MSRA: variants seen among roughly 807,000 people sequenced by gnomAD.
MSRA encodes the protein mitochondrial peptide methionine sulfoxide reductase.
In MSRA, 54 loss-of-function variants were observed where a neutral mutation model predicts 31.3. That is an observed-to-expected ratio of 1.73 (90% confidence interval 1.39 to 2.17). The LOEUF (loss-of-function observed/expected upper bound fraction) is 2.17, where lower values mean the gene tolerates loss of function less well. Among genes scored for constraint, MSRA ranks in the 30% most tolerant of loss-of-function variants. The probability of loss-of-function intolerance (pLI) is 0.00; values close to 1 mark genes in which losing one functional copy is unlikely to be tolerated. For synonymous variants in MSRA, 169 were observed against 116.5 expected (o/e 1.45, Z -2.90); for missense variants, 507 against 300.9 (o/e 1.69, Z -5.07).
At chr8:10,279,493 C>A (rs2952257) in intron 3 of MSRA, among the ~76,000 whole-genome samples, 2 of 151,926 alleles carry the variant, frequency 1.3e-5, no homozygotes, top group Admixed American at 1.3e-4. Flanking sequence ...TGAGTTTGAT[C>A]GTCATCCTCC....
chr8:10,224,034 GATC>G (rs1301351011), intron 2 of MSRA, among the ~76,000 whole-genome samples: 1 of 152,122 alleles, frequency 6.6e-6, no homozygotes, highest in African/African-American at 2.4e-5. Context: ...TGCATCCTAG[GATC>G]ATCATTTGTT....
intron 1 of MSRA, among the ~76,000 whole-genome samples, chr8:10,178,626 AT>A (rs1806273837): frequency 6.6e-6 from 1 of 152,208 alleles, no homozygotes. Context: ...GAAAGCATAG[AT>A]TGACTTTGCA....
At chr8:10,067,980 C>T (rs976287866) in intron 1 of MSRA, among the ~76,000 whole-genome samples, 5 of 150,938 alleles carry the variant, frequency 3.3e-5, no homozygotes, top group Admixed American at 3.3e-4. Flanking sequence ...GCCTCCCAGG[C>T]CCGAGTGATA....
chr8:10,351,832 C>A (rs984443353), intron 5 of MSRA, among the ~76,000 whole-genome samples: 1 of 152,120 alleles, frequency 6.6e-6, no homozygotes, highest in African/African-American at 2.4e-5. Flanking sequence ...TCTGGATGAA[C>A]CCAGACTGCT....
intron 1 of MSRA, among the ~76,000 whole-genome samples, chr8:10,180,772 G>T (rs527869293): frequency 6.6e-6 from 1 of 152,266 alleles, no homozygotes; most frequent in Admixed American, 6.5e-5. Context: ...GGAAATTGTG[G>T]TTTAGTTTAC....
intron 5 of MSRA, among the ~76,000 whole-genome samples, chr8:10,422,765 G>A (rs1273046910): frequency 1.3e-5 from 2 of 152,216 alleles, no homozygotes; most frequent in African/African-American, 4.8e-5. Flanking sequence ...GCTGCAGTAG[G>A]GAGCTGGGCC....
At chr8:10,082,475 C>T (rs544474096) in intron 1 of MSRA, among the ~76,000 whole-genome samples, 25 of 152,260 alleles carry the variant, frequency 1.6e-4, no homozygotes, top group African/African-American at 4.1e-4. Context: ...AGAAAACATA[C>T]GTCATCTTTT....
intron 2 of MSRA, among the ~76,000 whole-genome samples, chr8:10,233,163 C>T (rs1009324669): frequency 6.6e-6 from 1 of 152,172 alleles, no homozygotes; most frequent in Admixed American, 6.5e-5. Context: ...AGTCCAGGCC[C>T]TCTGGGTTTT....
At chr8:10,149,526 C>T (rs919163286) in intron 1 of MSRA, among the ~76,000 whole-genome samples, 4 of 152,194 alleles carry the variant, frequency 2.6e-5, no homozygotes, top group Non-Finnish European at 4.4e-5. Context: ...TTACAACTTA[C>T]ATCGCCACCT....
intron 1 of MSRA, among the ~76,000 whole-genome samples, chr8:10,183,718 T>G (rs1806753569): frequency 1.3e-5 from 2 of 151,998 alleles, no homozygotes; most frequent in Admixed American, 1.3e-4. Flanking sequence ...AGAGGCATAG[T>G]GTTTTTCTCT....
intron 1 of MSRA, among the ~76,000 whole-genome samples, chr8:10,067,471 T>G (rs1797514712): frequency 6.6e-6 from 1 of 152,254 alleles, no homozygotes; most frequent in Non-Finnish European, 1.5e-5. Context: ...TTTTGGCAGT[T>G]ATGAATAAAG....
intron 1 of MSRA, among the ~76,000 whole-genome samples, chr8:10,186,154 C>G (rs79331651): frequency 6.6e-6 from 1 of 152,162 alleles, no homozygotes; most frequent in African/African-American, 2.4e-5. Flanking sequence ...CCTCACGTGG[C>G]CCTTTTCCTA....
chr8:10,197,142 C>T (rs985187224), intron 1 of MSRA, among the ~76,000 whole-genome samples: 1 of 152,058 alleles, frequency 6.6e-6, no homozygotes, highest in African/African-American at 2.4e-5. Context: ...CATTTATATT[C>T]TCAAGATTAT....
At chr8:10,074,766 C>A (rs982834410) in intron 1 of MSRA, among the ~76,000 whole-genome samples, 1 of 152,054 alleles carries the variant, frequency 6.6e-6, no homozygotes, top group South Asian at 2.1e-4. Flanking sequence ...TCAAGTGATT[C>A]TTCTGCCTCA....
At chr8:10,212,758 T>C (rs1438178149) in intron 2 of MSRA, among the ~76,000 whole-genome samples, 1 of 152,190 alleles carries the variant, frequency 6.6e-6, no homozygotes, top group African/African-American at 2.4e-5. Context: ...TTAACCAGTT[T>C]GGAGGTGGGG....
chr8:10,055,679 C>T (rs796413431), intron 1 of MSRA, among the ~76,000 whole-genome samples: 2 of 152,248 alleles, frequency 1.3e-5, no homozygotes, highest in African/African-American at 2.4e-5. Flanking sequence ...ACACATGGCT[C>T]AATGCCAGAG....
chr8:10,231,462 C>T (rs919979329), intron 2 of MSRA, among the ~76,000 whole-genome samples: 2 of 152,116 alleles, frequency 1.3e-5, no homozygotes, highest in Admixed American at 1.3e-4. Context: ...CAGGGAGCCC[C>T]CCAGGTGGGG....
chr8:10,382,025 G>A (rs1806099378), intron 5 of MSRA, among the ~76,000 whole-genome samples: 1 of 152,204 alleles, frequency 6.6e-6, no homozygotes, highest in Non-Finnish European at 1.5e-5. Context: ...ATTTCTTTCT[G>A]CGTGGTACAA....
At chr8:10,075,973 C>G (rs531870482) in intron 1 of MSRA, among the ~76,000 whole-genome samples, 1 of 152,300 alleles carries the variant, frequency 6.6e-6, no homozygotes, top group Admixed American at 6.5e-5. Flanking sequence ...TGTCTGCCGC[C>G]TCAGTATAAA....
Sources: allele counts gnomAD v4.1 joint callset (sites outside exome capture counted in the v4.1 genomes callset), GRCh38; gene constraint gnomAD v4.1.1; transcripts MANE v1.5; gene names NCBI Gene and HGNC (gene_info 2026-07-23, HGNC 2026-07-21).